UNC13C: variants seen among roughly 807,000 people sequenced by gnomAD.
UNC13C encodes protein unc-13 homolog C.
In UNC13C, 174 loss-of-function variants were observed where a neutral mutation model predicts 245.4. The observed-to-expected ratio is 0.71, with a 90% CI of 0.63 to 0.80. The LOEUF (loss-of-function observed/expected upper bound fraction) is 0.80, where lower values mean the gene tolerates loss of function less well. Among genes scored for constraint, UNC13C ranks in the 30% least tolerant of loss-of-function variants. The pLI is 0.00. For missense variants in UNC13C, 2,829 were observed against 2,602.9 expected, an observed-to-expected ratio of 1.09 and a Z score of -1.89; for synonymous variants, 992 against 895.1, an observed-to-expected ratio of 1.11 and a Z score of -1.93.
rs12438759 is a variant in UNC13C at position 54,468,244 on chromosome 15, A to G, written c.4934-26364A>G. Among the ~76,000 whole-genome samples, 756 of 151,846 alleles carry G rather than the reference A, an allele frequency of 5.0e-3. 15 individuals are homozygous for G. The highest frequency in any genetic ancestry group is 0.039 in the Admixed American group (587 of 15,230). On this transcript the variant is annotated intron_variant, in intron 19 of 32. Transcript: ENST00000260323. ...TTTCATGTATCTGTTGGCCATTTCT[A>G]TATATTCTTGTGAGAAATGTCTACT... is the stretch of plus-strand genomic sequence containing the variant.
At chr15:54,331,971 C>A in intron 14 of UNC13C, 72 bp from the exon 15 acceptor site, 1 of 982,258 alleles carries the variant, frequency 1.0e-6, no homozygotes, top group African/African-American at 1.7e-5. Context: ...AGAGACAAAA[C>A]TCAGAATTAT....
chr15:54,084,936 T>C (rs907228529), intron 2 of UNC13C, among the ~76,000 whole-genome samples: 1 of 152,140 alleles, frequency 6.6e-6, no homozygotes, highest in Non-Finnish European at 1.5e-5. Flanking sequence ...AATAATAGTG[T>C]ATTATGATTA....
At chr15:54,456,545 C>G (rs920469649) in intron 19 of UNC13C, among the ~76,000 whole-genome samples, 4 of 151,488 alleles carry the variant, frequency 2.6e-5, no homozygotes, top group African/African-American at 9.7e-5. Flanking sequence ...TGTAGTTTTC[C>G]TTATAGAGAT....
chr15:54,293,712 A>G (rs1416202292), intron 10 of UNC13C, among the ~76,000 whole-genome samples, 183 bp from the exon 11 acceptor site: 3 of 152,058 alleles, frequency 2.0e-5, no homozygotes, highest in Non-Finnish European at 2.9e-5. Context: ...AACATTATTT[A>G]GCTTTTCTTC....
At chr15:54,628,987 A>G (rs1199913541), downstream of UNC13C, 1 of 152,184 alleles carries the variant, frequency 6.6e-6, no homozygotes, top group Non-Finnish European at 1.5e-5. Context: ...ATATGCACGT[A>G]TATGTCCACT....
chr15:54,194,410 T>C (rs1029678379), intron 4 of UNC13C, among the ~76,000 whole-genome samples: 1 of 152,172 alleles, frequency 6.6e-6, no homozygotes, highest in Non-Finnish European at 1.5e-5. Flanking sequence ...TTCAAAGTTC[T>C]TGGACATTAT....
At position 54,014,250 on chromosome 15, in the gene UNC13C, T is replaced by C; in HGVS notation, c.1347T>C (p.Pro449=). ...TCAAGAAGAACAATTGGCAGTCACC[T>C]GATGACAGTGATGAAGATCTTGAAT... ...PKIKKNNWQS[P]DDSDEDLESD... is the part of the protein sequence containing the mutation. The change falls in exon 2 of 33, where the codon CCT becomes CCC. Residue 449 remains proline, a synonymous_variant. Coordinates refer to ENST00000260323, the MANE Select transcript of UNC13C (RefSeq NM_001080534.3). 6.2e-7 allele frequency: 1 copy of C among 1,613,950 alleles called. No homozygotes were observed. Among genetic ancestry groups the C allele is most frequent in the Non-Finnish European group, 8.5e-7 (1 of 1,179,836 alleles).
chr15:53,860,749 T>G, the UNC13C span, among the ~76,000 whole-genome samples: 1 of 152,192 alleles, frequency 6.6e-6, no homozygotes, highest in African/African-American at 2.4e-5. Flanking sequence ...ATTTTAACAG[T>G]CTTACATTGT....
chr15:54,004,669 T>C (rs1245473348), intron 1 of UNC13C, among the ~76,000 whole-genome samples: 1 of 152,216 alleles, frequency 6.6e-6, no homozygotes, highest in East Asian at 1.9e-4. Context: ...CTCACCAGCA[T>C]TTGTTATTGC....
intron 8 of UNC13C, among the ~76,000 whole-genome samples, chr15:54,258,530 A>AT (rs1276421789): frequency 1.3e-5 from 2 of 151,648 alleles, no homozygotes; most frequent in Admixed American, 6.6e-5. Flanking sequence ...CATCCGGCTA[A>AT]TTTTTTTGTA....
intron 2 of UNC13C, among the ~76,000 whole-genome samples, chr15:54,085,812 A>G (rs760217633): frequency 9.2e-5 from 14 of 152,142 alleles, no homozygotes; most frequent in Non-Finnish European, 1.9e-4. Context: ...GGTGTGATCA[A>G]TTTTAAGCTC....
chr15:54,513,759 G>A (rs918216251), intron 24 of UNC13C, among the ~76,000 whole-genome samples: 1 of 152,074 alleles, frequency 6.6e-6, no homozygotes, highest in Non-Finnish European at 1.5e-5. Context: ...TAAAATGAAT[G>A]CCTAGCTTCT....
chr15:54,630,507 C>CAAAT (rs1467302849), downstream of UNC13C: 1 of 152,184 alleles, frequency 6.6e-6, no homozygotes, highest in East Asian at 1.9e-4. Flanking sequence ...TCTTTATGCT[C>CAAAT]AAATAATAAA....
At chr15:54,617,775 C>T (rs764385549) in intron 30 of UNC13C, among the ~76,000 whole-genome samples, 3 of 152,040 alleles carry the variant, frequency 2.0e-5, no homozygotes, top group Non-Finnish European at 4.4e-5. Flanking sequence ...TAATGACTTA[C>T]AGAACTGAAT....
intron 4 of UNC13C, among the ~76,000 whole-genome samples, chr15:54,234,285 G>A (rs527822370): frequency 1.3e-5 from 2 of 150,824 alleles, no homozygotes; most frequent in African/African-American, 2.4e-5. Context: ...TTACTAATAC[G>A]CAAACTTGCT....
At chr15:54,225,248 C>T (rs886501159) in intron 4 of UNC13C, among the ~76,000 whole-genome samples, 3 of 151,972 alleles carry the variant, frequency 2.0e-5, no homozygotes, top group South Asian at 4.2e-4. Context: ...TAGCATGATG[C>T]CTCCAGCTTT....
chr15:54,247,855 A>C (rs966758949), intron 7 of UNC13C, among the ~76,000 whole-genome samples: 1 of 152,078 alleles, frequency 6.6e-6, no homozygotes, highest in Non-Finnish European at 1.5e-5. Flanking sequence ...AAAACATTTT[A>C]ATGAAATCTG....
intron 2 of UNC13C, among the ~76,000 whole-genome samples, chr15:54,117,524 TC>T (rs1322302936): frequency 4.0e-4 from 1 of 2,488 alleles, no homozygotes; most frequent in Non-Finnish European, 1.0e-3. Context: ...CTATTATGTT[TC>T]TCTCTCTCTC....
At chr15:54,490,518 CGAATT>C (rs1052598526) in intron 19 of UNC13C, among the ~76,000 whole-genome samples, 5 of 152,158 alleles carry the variant, frequency 3.3e-5, no homozygotes, top group African/African-American at 1.2e-4. Flanking sequence ...AGAAACAACT[CGAATT>C]GAAGAACAAA....
Sources: allele counts gnomAD v4.1 joint callset (sites outside exome capture counted in the v4.1 genomes callset), GRCh38; gene constraint gnomAD v4.1.1; transcripts MANE v1.5; gene names NCBI Gene and HGNC (gene_info 2026-07-23, HGNC 2026-07-21).